Variants in RBM33 observed in about 807,000 individuals in gnomAD.
RBM33 encodes the protein RNA binding motif protein 33, also known as RNA-binding protein 33.
A neutral mutation model predicts 132.6 loss-of-function variants in RBM33; 28 were observed. That is an observed-to-expected ratio of 0.21 (90% CI 0.16 to 0.29). The LOEUF (loss-of-function observed/expected upper bound fraction) is 0.29. Among genes scored for constraint, RBM33 ranks in the 10% least tolerant of loss-of-function variants. The pLI, the probability that RBM33 is intolerant of heterozygous loss-of-function variation, is 1.00. For synonymous variants in RBM33, 634 were observed against 593.0 expected, an observed-to-expected ratio of 1.07 and a Z score of -1.01; for missense variants, 1,291 against 1,518.5, an observed-to-expected ratio of 0.85 and a Z score of 2.49.
intron 11 of RBM33, 103 bp downstream of exon 11, chr7:155,738,506 A>G (rs1246916732): frequency 8.8e-7 from 1 of 1,137,980 alleles, no homozygotes; most frequent in Non-Finnish European, 1.2e-6. Flanking sequence ...ATTTGTGGTT[A>G]TTTAAAGAAT....
At chr7:155,648,481 A>G (rs1798262603) in intron 1 of RBM33, among the ~76,000 whole-genome samples, 1 of 152,226 alleles carries the variant, frequency 6.6e-6, no homozygotes, top group South Asian at 2.1e-4. Context: ...GAAGGTTTTC[A>G]TTCGAAATTG....
rs1027603552 is a variant in RBM33 at position 155,741,862 on chromosome 7, T to C, written c.2093T>C (p.Met698Thr). ...GTAAGCAAGCGGCCCATGCAGCAAA[T>C]GCAGCCCACTGCGCCAAGGAACAGC... ...QNVSKRPMQQ[M>T]QPTAPRNSNL... Residue 698 changes from methionine to threonine, a missense_variant, in exon 13 of 18, where the codon ATG becomes ACG. Transcript: ENST00000401878. The C allele has an allele frequency of 3.1e-6, 5 of 1,613,838 alleles. No individual in the cohort carries two copies. The highest frequency in any genetic ancestry group is 2.7e-5 in the African/African-American group (2 of 74,912).
chr7:155,744,943 GT>G lies in RBM33; in HGVS notation c.2338-17del. On this transcript the variant is annotated splice_polypyrimidine_tract_variant and intron_variant, in intron 13 of 17. Transcript: ENST00000401878. The stretch of plus-strand genomic sequence containing the variant: ...TTGCCTGTATAGCAAAGTAAACCGT[GT>G]ATGTTTTCCATTTTAGTTTCCTGAT... 1 of 1,538,216 alleles carries G rather than the reference GT, an allele frequency of 6.5e-7. No individual in the cohort carries two copies. Among genetic ancestry groups the G allele is most frequent in the South Asian group, 1.3e-5 (1 of 76,944 alleles).
At chr7:155,772,137 G>A (rs1251112210) in intron 16 of RBM33, among the ~76,000 whole-genome samples, 1 of 152,220 alleles carries the variant, frequency 6.6e-6, no homozygotes, top group African/African-American at 2.4e-5. Context: ...GCTGTTGTGT[G>A]AAACTGTTTC....
chr7:155,731,521 C>T (rs1336776949), intron 9 of RBM33, among the ~76,000 whole-genome samples: 1 of 152,126 alleles, frequency 6.6e-6, no homozygotes, highest in Non-Finnish European at 1.5e-5. Context: ...AATCTAATAA[C>T]CAAGACGTTG....
intron 5 of RBM33, among the ~76,000 whole-genome samples, chr7:155,682,948 TACTC>T (rs760789820): frequency 5.8e-4 from 89 of 152,166 alleles, no homozygotes; most frequent in Admixed American, 2.0e-3. Flanking sequence ...AATTTAATAA[TACTC>T]ACGGTACTCT....
At chr7:155,692,684 C>T (rs1473170061) in intron 5 of RBM33, among the ~76,000 whole-genome samples, 3 of 152,198 alleles carry the variant, frequency 2.0e-5, no homozygotes, top group East Asian at 1.9e-4. Context: ...AGCTTTCTTA[C>T]AGCTTCCGTG....
chr7:155,771,677 T>G (rs1802430103), intron 16 of RBM33, among the ~76,000 whole-genome samples: 1 of 152,248 alleles, frequency 6.6e-6, no homozygotes, highest in Non-Finnish European at 1.5e-5. Context: ...CACATATATC[T>G]AGAAATGTTA....
chr7:155,718,242 A>G (rs1035584729), intron 8 of RBM33, 143 bp from the exon 9 acceptor site: 2 of 548,866 alleles, frequency 3.6e-6, no homozygotes, highest in South Asian at 3.7e-5. Context: ...TAAAAATACT[A>G]AATGCTTAGC....
chr7:155,661,001 A>G (rs1798622711), intron 1 of RBM33, among the ~76,000 whole-genome samples: 1 of 151,900 alleles, frequency 6.6e-6, no homozygotes, highest in Non-Finnish European at 1.5e-5. Context: ...GCTAGTTCAC[A>G]TCTACTACTG....
intron 2 of RBM33, among the ~76,000 whole-genome samples, chr7:155,669,428 C>T (rs532760921): frequency 1.3e-5 from 2 of 152,312 alleles, no homozygotes; most frequent in South Asian, 4.1e-4. Flanking sequence ...TATCAGCTCA[C>T]TGCAACCTCT....
At chr7:155,657,911 C>T (rs974215182) in intron 1 of RBM33, among the ~76,000 whole-genome samples, 2 of 152,180 alleles carry the variant, frequency 1.3e-5, no homozygotes, top group African/African-American at 4.8e-5. Context: ...GACAGTGCAT[C>T]CTCTACATTT....
Position 155,738,380 on chromosome 7 carries a change from A to ACAC in RBM33, c.1715_1717dup (p.Thr572_His573insPro), listed in dbSNP as rs759417466. The ACAC allele has an allele frequency of 1.2e-6, 2 of 1,606,678 alleles. No homozygotes were observed. The highest frequency in any genetic ancestry group is 3.3e-5 in the Admixed American group (2 of 59,788). On this transcript the variant is annotated inframe_insertion, in exon 11 of 18. Coordinates refer to ENST00000401878, the MANE Select transcript of RBM33 (RefSeq NM_053043.3). ...AGGCCCAGGACAGCCGTTTCTGCCC[A>ACAC]CACACACACAGCCCAACCTGCAGGT...
chr7:155,743,031 C>T (rs547319191), intron 13 of RBM33, among the ~76,000 whole-genome samples: 1 of 152,322 alleles, frequency 6.6e-6, no homozygotes, highest in Admixed American at 6.5e-5. Context: ...CCAGTCAACA[C>T]TGGTTTTACC....
intron 3 of RBM33, among the ~76,000 whole-genome samples, chr7:155,674,394 A>C (rs1422933787): frequency 6.6e-6 from 1 of 152,230 alleles, no homozygotes; most frequent in Non-Finnish European, 1.5e-5. Flanking sequence ...GTATTTTTGT[A>C]CCTAAAGTGG....
Position 155,711,442 on chromosome 7 carries a change from C to CACG in RBM33, c.1189_1191dup (p.Thr397dup). 1 of 1,461,588 alleles carries CACG rather than the reference C, an allele frequency of 6.8e-7. No individual in the cohort carries two copies. Among genetic ancestry groups the CACG allele is most frequent in the Non-Finnish European group, 9.1e-7 (1 of 1,104,794 alleles). 90.5% of individuals were successfully genotyped at this position (1,461,588 alleles called of 1,614,324 possible). A position where few individuals can be genotyped will look rare whatever the true frequency, so the allele number is the denominator to read the frequency against. ...ACCCGCACTTCAAAGGGACGGTGGTCACGCCTGTTCAAGGTCTGTGTTTCC... is the reference window on the plus strand; with the variant it reads ...ACCCGCACTTCAAAGGGACGGTGGTCACGACGCCTGTTCAAGGTCTGTGTTTCC... On this transcript the variant is annotated inframe_insertion, in exon 8 of 18. Transcript: ENST00000401878.
rs373665012 is a variant in RBM33 at position 155,738,299 on chromosome 7, C to G, written c.1633C>G (p.Gln545Glu). 2 of 1,613,936 alleles carry G rather than the reference C, an allele frequency of 1.2e-6. No individual in the cohort carries two copies. Among genetic ancestry groups the G allele is most frequent in the Non-Finnish European group, 1.7e-6 (2 of 1,179,888 alleles). ...TCCGGTGGGGATTCTGCACTTTAGC[C>G]AGCCTGGGTCGGCAACCACACGGCC... ...PGPVGILHFS[Q>E]PGSATTRPFI... Residue 545 changes from glutamine to glutamate, a missense_variant, in exon 11 of 18, where the codon CAG becomes GAG. Around this residue, in one of 7 missense-constraint regions of RBM33, gnomAD observed 841 missense variants for 912.0 expected, o/e 0.92. Coordinates refer to ENST00000401878, the MANE Select transcript of RBM33 (RefSeq NM_053043.3).
At chr7:155,754,249 A>C (rs567465421) in intron 14 of RBM33, among the ~76,000 whole-genome samples, 1 of 152,246 alleles carries the variant, frequency 6.6e-6, no homozygotes. Context: ...GGATTAGCTC[A>C]CTCACCCACC....
At position 155,759,487 on chromosome 7, in the gene RBM33, G is replaced by A. The variant is rs527524479; in HGVS notation, c.2980-4325G>A. Among the ~76,000 whole-genome samples, 68 of 144,398 alleles carry A rather than the reference G, an allele frequency of 4.7e-4. No individual in the cohort carries two copies. The East Asian group carries it at 0.013, about 27-fold the overall frequency. 94.7% of individuals were successfully genotyped at this position (144,398 alleles called of 152,430 possible). A position where few individuals can be genotyped will look rare whatever the true frequency, so the allele number is the denominator to read the frequency against. On this transcript the variant is annotated intron_variant, in intron 14 of 17. Transcript: ENST00000401878. ...GGCTGGAGTGCAGTGGTGCGATCTC[G>A]GCTCACTGCAAGCTCCGCCTCCCGG...
Sources: allele counts gnomAD v4.1 joint callset (sites outside exome capture counted in the v4.1 genomes callset), GRCh38; gene constraint gnomAD v4.1.1; regional missense constraint gnomAD v4.1.1; transcripts MANE v1.5; gene names NCBI Gene and HGNC (gene_info 2026-07-23, HGNC 2026-07-21).